The following CDKAL1 variants were observed in gnomAD, a reference collection of about 807,000 sequenced individuals.
CDKAL1 encodes CDKAL1 threonylcarbamoyladenosine tRNA methylthiotransferase, also known as threonylcarbamoyladenosine tRNA methylthiotransferase.
Under a neutral mutation model 68.2 loss-of-function variants are expected in CDKAL1, and 32 were observed. The ratio of observed to expected loss-of-function variants is 0.47; its 90% CI spans 0.35 to 0.63. CDKAL1 has a LOEUF of 0.63. Ranked by LOEUF, CDKAL1 falls within the 30% of genes least tolerant of loss-of-function variation. The pLI, the probability that CDKAL1 is intolerant of heterozygous loss-of-function variation, is 0.00. For missense variants in CDKAL1, 606 were observed against 696.7 expected (o/e 0.87, Z 1.47); for synonymous variants, 234 against 244.3 (o/e 0.96, Z 0.39).
At chr6:20,846,045 G>C in intron 8 of CDKAL1, 30 bp from the exon 9 acceptor site, 1 of 1,389,244 alleles carries the variant, frequency 7.2e-7, no homozygotes, top group Non-Finnish European at 1.0e-6. Context: ...TTAGAAATTT[G>C]AGTCTTATTT....
chr6:20,970,320 C>T (rs115918341), intron 10 of CDKAL1, among the ~76,000 whole-genome samples: 1 of 152,280 alleles, frequency 6.6e-6, no homozygotes, highest in African/African-American at 2.4e-5. Context: ...CACCACATAG[C>T]TCCATGTTCT....
chr6:20,968,315 C>A (rs1765430091), intron 10 of CDKAL1, among the ~76,000 whole-genome samples: 1 of 151,800 alleles, frequency 6.6e-6, no homozygotes, highest in South Asian at 2.1e-4. Context: ...TGTGCCACCA[C>A]ACCCAGCTAG....
At chr6:20,617,007 T>C in intron 4 of CDKAL1, among the ~76,000 whole-genome samples, 1 of 144,324 alleles carries the variant, frequency 6.9e-6, no homozygotes, top group Admixed American at 7.2e-5. Flanking sequence ...ACCACTGCAC[T>C]CCAGGCTGGG....
At chr6:20,578,467 T>C (rs1765004251) in intron 4 of CDKAL1, among the ~76,000 whole-genome samples, 1 of 152,240 alleles carries the variant, frequency 6.6e-6, no homozygotes, top group African/African-American at 2.4e-5. Flanking sequence ...TTCAAGATAC[T>C]GTTTTTGGAT....
At chr6:21,157,021 ATTCTTTGTTTCT>A (rs1776681014) in intron 13 of CDKAL1, among the ~76,000 whole-genome samples, 1 of 152,092 alleles carries the variant, frequency 6.6e-6, no homozygotes, top group Non-Finnish European at 1.5e-5. Context: ...TCTGCGCCAT[ATTCTTTGTTTCT>A]ACTGTGATGC....
chr6:20,868,961 G>C (rs1760050231), intron 9 of CDKAL1, among the ~76,000 whole-genome samples: 1 of 152,176 alleles, frequency 6.6e-6, no homozygotes, highest in African/African-American at 2.4e-5. Flanking sequence ...GCTACCAGGT[G>C]GGGCCCTGGG....
At chr6:21,172,087 C>A (rs1003943993) in intron 13 of CDKAL1, among the ~76,000 whole-genome samples, 2 of 152,138 alleles carry the variant, frequency 1.3e-5, no homozygotes, top group South Asian at 2.1e-4. Context: ...TTTAAGGGAA[C>A]ATGGACAGTC....
intron 9 of CDKAL1, among the ~76,000 whole-genome samples, chr6:20,924,461 G>C (rs1212377442): frequency 4.0e-5 from 6 of 150,046 alleles, no homozygotes; most frequent in Middle Eastern, 3.4e-3. Context: ...GAATGCAAAA[G>C]AGAAGTTATT....
At chr6:20,774,351 C>T (rs563615332) in intron 7 of CDKAL1, among the ~76,000 whole-genome samples, 3 of 152,200 alleles carry the variant, frequency 2.0e-5, no homozygotes, top group East Asian at 1.9e-4. Context: ...TGTGTAGGAG[C>T]GTAATTTAGT....
intron 10 of CDKAL1, among the ~76,000 whole-genome samples, chr6:20,958,948 A>G (rs1168755273): frequency 2.0e-5 from 3 of 152,240 alleles, no homozygotes; most frequent in Admixed American, 6.5e-5. Context: ...GGAAAGCACC[A>G]AAGTTTTTAT....
intron 9 of CDKAL1, among the ~76,000 whole-genome samples, chr6:20,882,184 G>A (rs539994504): frequency 2.0e-5 from 3 of 152,298 alleles, no homozygotes; most frequent in Admixed American, 6.5e-5. Context: ...TGTGAGAGGT[G>A]CCCTCCCTGC....
intron 15 of CDKAL1, among the ~76,000 whole-genome samples, chr6:21,224,398 G>C (rs186114812): frequency 1.3e-5 from 2 of 152,144 alleles, no homozygotes; most frequent in African/African-American, 4.8e-5. Context: ...GTGGTGACAC[G>C]CGCTACTCGG....
At chr6:20,650,408 G>GT (rs201605629) in intron 5 of CDKAL1, among the ~76,000 whole-genome samples, 2,282 of 151,750 alleles carry the variant, frequency 0.015, 46 homozygotes, top group African/African-American at 0.052. Flanking sequence ...GGGGTTGTTT[G>GT]TTTTTTTTCC....
At chr6:20,619,502 A>G (rs529275288) in intron 4 of CDKAL1, among the ~76,000 whole-genome samples, 29 of 152,340 alleles carry the variant, frequency 1.9e-4, no homozygotes. Context: ...TCTATCTTCT[A>G]GTTAAAAAAA....
At chr6:20,970,431 G>C (rs1250713129) in intron 10 of CDKAL1, among the ~76,000 whole-genome samples, 2 of 152,166 alleles carry the variant, frequency 1.3e-5, no homozygotes, top group Non-Finnish European at 2.9e-5. Flanking sequence ...ATTTTTGTCA[G>C]TGTTCTCATT....
At chr6:20,831,288 A>G (rs528185023) in intron 8 of CDKAL1, among the ~76,000 whole-genome samples, 27 of 152,336 alleles carry the variant, frequency 1.8e-4, no homozygotes, top group Non-Finnish European at 2.8e-4. Flanking sequence ...CACTGCAAAC[A>G]GTCGTCAAGA....
intron 5 of CDKAL1, among the ~76,000 whole-genome samples, chr6:20,697,821 A>G (rs1771170131): frequency 6.6e-6 from 1 of 152,212 alleles, no homozygotes; most frequent in African/African-American, 2.4e-5. Flanking sequence ...ATTCTGCTAC[A>G]CAAAGATGCC....
intron 4 of CDKAL1, among the ~76,000 whole-genome samples, chr6:20,624,804 A>G (rs1767354389): frequency 6.6e-6 from 1 of 152,108 alleles, no homozygotes; most frequent in Non-Finnish European, 1.5e-5. Flanking sequence ...CGGAGTATAT[A>G]GAGGCCAAAT....
At chr6:20,647,045 CTTAT>C (rs1253171920) in intron 4 of CDKAL1, among the ~76,000 whole-genome samples, 1 of 152,140 alleles carries the variant, frequency 6.6e-6, no homozygotes. Context: ...GCACCCGGCC[CTTAT>C]TTATTTGTTT....
Sources: gnomAD v4.1 joint callset for allele counts (sites outside exome capture counted in the v4.1 genomes callset) on GRCh38, gnomAD v4.1.1 for gene constraint, MANE v1.5 for transcripts, NCBI Gene and HGNC (gene_info 2026-07-23, HGNC 2026-07-21) for gene names.